The following ASIC2 variants were observed in gnomAD, a reference collection of about 807,000 sequenced individuals.
ASIC2 encodes acid sensing ion channel subunit 2.
In ASIC2, 25 loss-of-function variants were observed where a neutral mutation model predicts 57.3. The observed-to-expected ratio is 0.44, with a 90% CI of 0.32 to 0.61. The LOEUF is 0.61. Among genes scored for constraint, ASIC2 ranks in the 20% least tolerant of loss-of-function variants. The pLI is 0.06. For synonymous variants in ASIC2, 319 were observed against 307.5 expected (o/e 1.04, Z -0.39); for missense variants, 641 against 738.1 (o/e 0.87, Z 1.52).
At chr17:33,660,413 A>G (rs1259818039) in intron 1 of ASIC2, among the ~76,000 whole-genome samples, 1 of 151,932 alleles carries the variant, frequency 6.6e-6, no homozygotes, top group Non-Finnish European at 1.5e-5. Context: ...GCTGTAGGAA[A>G]ATATTTTCTT....
Position 33,350,687 on chromosome 17 carries a change from A to AAAAGAAAGAAAGAAAG in ASIC2, c.556-238636_556-238621dup, listed in dbSNP as rs55667206. 3.8e-3 allele frequency among the ~76,000 whole-genome samples: 560 copies of AAAAGAAAGAAAGAAAG among 145,660 alleles called. 6 individuals carry two copies. Among genetic ancestry groups the AAAAGAAAGAAAGAAAG allele is most frequent in the African/African-American group, 0.014 (508 of 37,272 alleles). On this transcript the variant is annotated intron_variant, in intron 1 of 9. Transcript: ENST00000359872. ...ACAGAGCGAGACTCTGTGAGAAAAA[A>AAAAGAAAGAAAGAAAG]AAAGAAAGAAAGAAAGAAAGAAAGA...
intron 1 of ASIC2, among the ~76,000 whole-genome samples, chr17:33,137,601 C>T (rs2092371482): frequency 1.3e-5 from 2 of 152,182 alleles, no homozygotes; most frequent in Admixed American, 1.3e-4. Flanking sequence ...GGGCTCATTC[C>T]TATTTATTGT....
At chr17:33,515,722 C>A (rs1392539708) in intron 1 of ASIC2, among the ~76,000 whole-genome samples, 2 of 152,350 alleles carry the variant, frequency 1.3e-5, no homozygotes, top group African/African-American at 2.4e-5. Flanking sequence ...CTCCTAGGAC[C>A]AATCCTGAGG....
chr17:33,325,542 T>G (rs1292836753), intron 1 of ASIC2, among the ~76,000 whole-genome samples: 1 of 152,152 alleles, frequency 6.6e-6, no homozygotes, highest in East Asian at 1.9e-4. Context: ...AAGACAGGAA[T>G]GCAGTCAACA....
chr17:33,372,513 G>C (rs1423548343), intron 1 of ASIC2, among the ~76,000 whole-genome samples: 2 of 152,112 alleles, frequency 1.3e-5, no homozygotes, highest in Non-Finnish European at 2.9e-5. Flanking sequence ...ACCATCTGCA[G>C]GTGACCTTCT....
intron 1 of ASIC2, among the ~76,000 whole-genome samples, chr17:33,419,185 C>T (rs1335306036): frequency 1.3e-5 from 2 of 152,230 alleles, no homozygotes; most frequent in African/African-American, 4.8e-5. Flanking sequence ...TTGTTGCACC[C>T]ATTGGTGCCC....
At chr17:33,021,702 GGGCAGCCCCTGCCCACTCCTGA>G (rs2091836291) in intron 6 of ASIC2, among the ~76,000 whole-genome samples, 1 of 152,174 alleles carries the variant, frequency 6.6e-6, no homozygotes, top group Non-Finnish European at 1.5e-5. Flanking sequence ...CTGACCTCAT[GGGCAGCCCCTGCCCACTCCTGA>G]GGCCCCCTAA....
chr17:33,347,364 A>G (rs1907989321), intron 1 of ASIC2, among the ~76,000 whole-genome samples: 1 of 152,160 alleles, frequency 6.6e-6, no homozygotes. Context: ...AGGGTGCAGG[A>G]GTTTTTGAGT....
chr17:33,308,446 G>A (rs552600857), intron 1 of ASIC2, among the ~76,000 whole-genome samples: 3 of 152,054 alleles, frequency 2.0e-5, no homozygotes, highest in South Asian at 2.1e-4. Context: ...AAATCATTTG[G>A]ACTTCATGGT....
intron 1 of ASIC2, among the ~76,000 whole-genome samples, chr17:33,760,685 T>C (rs1484356353): frequency 6.6e-6 from 1 of 152,114 alleles, no homozygotes; most frequent in Non-Finnish European, 1.5e-5. Context: ...AAAACCTTAC[T>C]TTACATATAC....
intron 1 of ASIC2, among the ~76,000 whole-genome samples, chr17:33,902,985 T>A (rs1248854505): frequency 6.6e-6 from 1 of 152,174 alleles, no homozygotes; most frequent in Non-Finnish European, 1.5e-5. Context: ...CTTTTCTATT[T>A]CAAAAATAAT....
intron 1 of ASIC2, among the ~76,000 whole-genome samples, chr17:33,416,542 C>T (rs1910847115): frequency 6.6e-6 from 1 of 152,186 alleles, no homozygotes; most frequent in African/African-American, 2.4e-5. Context: ...AGAAGTAAGC[C>T]TGGGATGAGC....
intron 1 of ASIC2, among the ~76,000 whole-genome samples, chr17:33,731,452 T>G (rs957252174): frequency 1.3e-5 from 2 of 152,192 alleles, no homozygotes; most frequent in African/African-American, 4.8e-5. Flanking sequence ...AGTCAGAGTT[T>G]GGAAAGTTTG....
chr17:33,104,070 C>T (rs2092225328), intron 2 of ASIC2, among the ~76,000 whole-genome samples: 1 of 152,202 alleles, frequency 6.6e-6, no homozygotes, highest in African/African-American at 2.4e-5. Flanking sequence ...CCTCAGTTCT[C>T]AGCCTCGTGT....
intron 1 of ASIC2, among the ~76,000 whole-genome samples, chr17:33,599,544 G>T (rs1905072930): frequency 6.6e-6 from 1 of 152,242 alleles, no homozygotes; most frequent in African/African-American, 2.4e-5. Context: ...GTAGATGACA[G>T]CTGGCAGATG....
intron 1 of ASIC2, among the ~76,000 whole-genome samples, chr17:33,473,076 C>T (rs755305858): frequency 8.5e-5 from 13 of 152,180 alleles, no homozygotes; most frequent in Middle Eastern, 3.2e-3. Flanking sequence ...TCAATAAGTA[C>T]CATCTTGCTG....
intron 1 of ASIC2, among the ~76,000 whole-genome samples, chr17:33,265,008 T>C (rs890412936): frequency 6.6e-6 from 1 of 152,226 alleles, no homozygotes; most frequent in Non-Finnish European, 1.5e-5. Flanking sequence ...GTGGCCACCT[T>C]CACTGGAGGA....
intron 1 of ASIC2, among the ~76,000 whole-genome samples, chr17:33,949,734 A>G (rs904055213): frequency 4.6e-5 from 7 of 152,200 alleles, no homozygotes; most frequent in Non-Finnish European, 1.0e-4. Flanking sequence ...TAAATGTGGG[A>G]TCGTGTTTGG....
At chr17:33,167,135 C>A (rs1905335044) in intron 1 of ASIC2, among the ~76,000 whole-genome samples, 1 of 152,152 alleles carries the variant, frequency 6.6e-6, no homozygotes, top group African/African-American at 2.4e-5. Flanking sequence ...GATGAAGCCC[C>A]AGACCAACAC....
Sources: gnomAD v4.1 joint callset for allele counts (sites outside exome capture counted in the v4.1 genomes callset) on GRCh38, gnomAD v4.1.1 for gene constraint, MANE v1.5 for transcripts, NCBI Gene and HGNC (gene_info 2026-07-23, HGNC 2026-07-21) for gene names.